The following AEBP2 variants were observed in gnomAD, a reference collection of about 807,000 sequenced individuals.
AEBP2 encodes zinc finger protein AEBP2.
Under a neutral mutation model 50.8 loss-of-function variants are expected in AEBP2, and 10 were observed. The ratio of observed to expected loss-of-function variants is 0.20; its 90% CI spans 0.12 to 0.33. The LOEUF (loss-of-function observed/expected upper bound fraction) is 0.33, where lower values mean the gene tolerates loss of function less well. AEBP2 is among the 10% of genes least tolerant of loss of function. AEBP2 has a pLI of 1.00. For synonymous variants in AEBP2, 296 were observed against 261.3 expected (o/e 1.13, Z -1.28); for missense variants, 570 against 688.0 (o/e 0.83, Z 1.92).
rs1331488293 is a variant in AEBP2 at position 19,439,897 on chromosome 12, CGGCGGA to C, written c.204_209del (p.Gly72_Gly73del). On this transcript the variant is annotated inframe_deletion, in exon 1 of 8. Transcript: ENST00000266508. The stretch of plus-strand genomic sequence containing the variant: ...TGCTGAACGGCGGCAGCGGTGGGGG[CGGCGGA>C]GGCGGCGGCGGAGGAGTGGGGGGCG... 1.0e-5 allele frequency: 15 copies of C among 1,476,378 alleles called. No individual in the cohort carries two copies. The highest frequency in any genetic ancestry group is 1.2e-5 in the Non-Finnish European group (14 of 1,122,804). The allele number at this position is 1,476,378 out of a possible 1,614,324, so 91.5% of individuals were successfully genotyped here.
intron 7 of AEBP2, among the ~76,000 whole-genome samples, chr12:19,517,620 C>G (rs190593189): frequency 4.3e-4 from 65 of 152,344 alleles, no homozygotes; most frequent in African/African-American, 1.5e-3. Context: ...GGACCCCCCA[C>G]TCCCACTGTG....
chr12:19,417,627 C>T (rs1358506157), intron 1 of AEBP2, among the ~76,000 whole-genome samples: 5 of 151,680 alleles, frequency 3.3e-5, no homozygotes, highest in Non-Finnish European at 4.4e-5. Flanking sequence ...AGGCTGATCT[C>T]GAACTCTTGG....
chr12:19,519,447 C>T lies in AEBP2; in HGVS notation c.*1330C>T, dbSNP rs1949368585. The T allele has an allele frequency of 6.6e-6, 1 of 152,512 alleles. No individual in the cohort carries two copies. The highest frequency in any genetic ancestry group is 1.5e-5 in the Non-Finnish European group (1 of 67,956). 9.4% of individuals were successfully genotyped at this position (152,512 alleles called of 1,614,324 possible). On this transcript the variant is annotated 3_prime_UTR_variant, in exon 8 of 8. Coordinates refer to ENST00000266508, the MANE Select transcript of AEBP2 (RefSeq NM_153207.5). ...TCTAAGAACAAAACACATTGAACAT[C>T]CTTCCAGAAAGTCTTTGAGGGAGGA...
chr12:19,430,664 T>C (rs912853525), intron 1 of AEBP2, among the ~76,000 whole-genome samples: 6 of 152,124 alleles, frequency 3.9e-5, no homozygotes, highest in Non-Finnish European at 5.9e-5. Flanking sequence ...GAGCAGTAGT[T>C]TGTAGTTCTC....
rs563439941 is a variant in AEBP2, at chr12:19,521,575, CAT to C, written c.*3459_*3460del. On this transcript the variant is annotated 3_prime_UTR_variant, in exon 8 of 8. Coordinates refer to ENST00000266508, the MANE Select transcript of AEBP2 (RefSeq NM_153207.5). ...ATATAAATGTTACCTAAAGTGGACA[CAT>C]GTTACTTCTGAATTTCACATGAAAG... The C allele has an allele frequency of 1.4e-3, 218 of 152,058 alleles. 4 individuals carry two copies. In the South Asian group the frequency reaches 0.019, roughly 13 times the overall value. 9.4% of individuals were successfully genotyped at this position (152,058 alleles called of 1,614,324 possible).
In AEBP2 at chr12:19,478,634, G is replaced by A. The variant is rs575744810; in HGVS notation, c.987+5279G>A. On this transcript the variant is annotated intron_variant, in intron 3 of 7. Coordinates refer to ENST00000266508, the MANE Select transcript of AEBP2 (RefSeq NM_153207.5). The stretch of plus-strand genomic sequence containing the variant: ...GCTATGAACTTTTCCTCTTAGCACC[G>A]CTTTTGCTGTTGCCCACTGGTTTTG... Among the ~76,000 whole-genome samples, 16 of 152,208 alleles carry A rather than the reference G, an allele frequency of 1.1e-4. No homozygotes were observed. The East Asian group carries it at 1.5e-3, about 15-fold the overall frequency.
chr12:19,499,054 A>C (rs991962364), intron 4 of AEBP2, among the ~76,000 whole-genome samples: 5 of 152,192 alleles, frequency 3.3e-5, no homozygotes, highest in Non-Finnish European at 5.9e-5. Context: ...TAAGCTGATT[A>C]ATACAAATGG....
At chr12:19,458,818 G>T (rs959182393) in intron 1 of AEBP2, among the ~76,000 whole-genome samples, 2 of 152,084 alleles carry the variant, frequency 1.3e-5, no homozygotes, top group African/African-American at 4.8e-5. Flanking sequence ...TGGTATAAAA[G>T]GGTATATACA....
upstream of AEBP2, among the ~76,000 whole-genome samples, chr12:19,439,433 G>A (rs11829669): frequency 0.26 from 38,379 of 150,010 alleles, 5,824 homozygotes; most frequent in African/African-American, 0.43. Flanking sequence ...GCGGGGGCGG[G>A]GGCGCAGAAC....
intron 3 of AEBP2, among the ~76,000 whole-genome samples, chr12:19,489,043 C>A (rs1337014801): frequency 2.0e-5 from 3 of 152,136 alleles, no homozygotes; most frequent in African/African-American, 4.8e-5. Flanking sequence ...CCTGCCTCGG[C>A]CTGCCAGAGT....
chr12:19,426,266 A>G (rs2095748493), intron 1 of AEBP2, among the ~76,000 whole-genome samples: 1 of 152,082 alleles, frequency 6.6e-6, no homozygotes, highest in African/African-American at 2.4e-5. Flanking sequence ...AATGATGGTG[A>G]CTAGAGGGCA....
intron 1 of AEBP2, chr12:19,457,249 T>A: frequency 1.3e-6 from 2 of 1,595,968 alleles, no homozygotes; most frequent in South Asian, 1.1e-5. Flanking sequence ...TTGTCCATTC[T>A]TGGAGATACC....
intron 2 of AEBP2, among the ~76,000 whole-genome samples, chr12:19,467,541 G>A (rs935011452): frequency 1.3e-5 from 2 of 151,992 alleles, no homozygotes; most frequent in Non-Finnish European, 1.5e-5. Context: ...TGATCCACCC[G>A]CCTCTGGCTC....
chr12:19,455,285 G>A (rs1415299646), intron 1 of AEBP2, among the ~76,000 whole-genome samples: 1 of 152,062 alleles, frequency 6.6e-6, no homozygotes. Context: ...GAGCCACTGC[G>A]CCTGGCAGAA....
chr12:19,458,120 A>G (rs1948305386), intron 1 of AEBP2, among the ~76,000 whole-genome samples: 1 of 152,228 alleles, frequency 6.6e-6, no homozygotes. Context: ...GTATTATAGG[A>G]GGAAGGGCAC....
intron 3 of AEBP2, among the ~76,000 whole-genome samples, chr12:19,474,013 T>C (rs1298541586): frequency 6.6e-6 from 1 of 152,142 alleles, no homozygotes; most frequent in Non-Finnish European, 1.5e-5. Flanking sequence ...TTTCGGCATT[T>C]TCATTAGCAA....
chr12:19,432,620 G>A (rs79499512), intron 1 of AEBP2, among the ~76,000 whole-genome samples: 10,993 of 152,208 alleles, frequency 0.072, 502 homozygotes, highest in Middle Eastern at 0.17. Context: ...CTTGAATCCA[G>A]AAGGTTGAGT....
intron 3 of AEBP2, among the ~76,000 whole-genome samples, chr12:19,492,219 G>T (rs1948904252): frequency 6.6e-6 from 1 of 152,134 alleles, no homozygotes; most frequent in Non-Finnish European, 1.5e-5. Flanking sequence ...TCCAACTGTG[G>T]ATATTTTCTG....
intron 1 of AEBP2, among the ~76,000 whole-genome samples, chr12:19,417,450 A>C (rs1383731227): frequency 6.6e-6 from 1 of 151,704 alleles, no homozygotes; most frequent in Non-Finnish European, 1.5e-5. Flanking sequence ...TCTGTCACCC[A>C]GGCTGGAGTG....
Sources: gnomAD v4.1 joint callset for allele counts (sites outside exome capture counted in the v4.1 genomes callset) on GRCh38, gnomAD v4.1.1 for gene constraint, MANE v1.5 for transcripts, NCBI Gene and HGNC (gene_info 2026-07-23, HGNC 2026-07-21) for gene names.